KCNG2: variants seen among roughly 807,000 people sequenced by gnomAD.
KCNG2 encodes voltage-gated potassium channel regulatory subunit KCNG2.
KCNG2 carries 7 observed loss-of-function variants against 12.3 expected under a neutral mutation model. That is an observed-to-expected ratio of 0.57 (90% CI 0.32 to 1.07). KCNG2 has a LOEUF of 1.07. KCNG2 is among the 50% of genes least tolerant of loss of function. KCNG2 has a pLI of 0.04. For synonymous variants in KCNG2, 414 were observed against 351.4 expected, an observed-to-expected ratio of 1.18 and a Z score of -1.99; for missense variants, 703 against 726.0, an observed-to-expected ratio of 0.97 and a Z score of 0.36.
chr18:79,827,462 C>T lies in KCNG2; in HGVS notation c.-114-28917C>T, dbSNP rs1978286970. ...TTTCGGCCCCACCAGTGGGGCAGGG[C>T]CTGGGGACTGGTAGTTTAGCACAGC... On this transcript the variant is annotated intron_variant, in intron 1 of 3. Transcript: ENST00000316249. Among the ~76,000 whole-genome samples the T allele has an allele frequency of 2.6e-5, 4 of 152,164 alleles. No homozygotes were observed. In the South Asian group the frequency reaches 8.3e-4, roughly 31 times the overall value.
intron 3 of KCNG2, among the ~76,000 whole-genome samples, chr18:79,888,200 C>A (rs1184516051): frequency 6.6e-6 from 1 of 152,232 alleles, no homozygotes; most frequent in Non-Finnish European, 1.5e-5. Flanking sequence ...CCGCCAGGCC[C>A]AGATTCAGTC....
chr18:79,879,541 G>A (rs1160445591), intron 3 of KCNG2, among the ~76,000 whole-genome samples: 1 of 152,174 alleles, frequency 6.6e-6, no homozygotes, highest in Non-Finnish European at 1.5e-5. Context: ...TTAAAAATGG[G>A]ATTACCCTAC....
At chr18:79,896,303 C>G (rs908107482) in intron 3 of KCNG2, among the ~76,000 whole-genome samples, 7 of 149,732 alleles carry the variant, frequency 4.7e-5, no homozygotes, top group African/African-American at 1.7e-4. Context: ...TTTTTTAGTT[C>G]TTTCTTTTAG....
chr18:79,805,163 A>G (rs527861047), intron 1 of KCNG2, among the ~76,000 whole-genome samples: 1 of 152,196 alleles, frequency 6.6e-6, no homozygotes, highest in Non-Finnish European at 1.5e-5. Flanking sequence ...AACTTTGCAT[A>G]TCGTCAAAAG....
intron 1 of KCNG2, among the ~76,000 whole-genome samples, chr18:79,830,606 C>T (rs113761119): frequency 9.9e-5 from 15 of 152,256 alleles, no homozygotes; most frequent in African/African-American, 4.8e-5. Context: ...CAGAGGCCAG[C>T]GAGAGAGATG....
chr18:79,819,620 A>G (rs2087556259), intron 1 of KCNG2, among the ~76,000 whole-genome samples: 1 of 152,108 alleles, frequency 6.6e-6, no homozygotes. Flanking sequence ...TCAGCCAAGG[A>G]CCCGGCCAGG....
intron 1 of KCNG2, among the ~76,000 whole-genome samples, chr18:79,798,942 G>T (rs1328877627): frequency 2.0e-5 from 3 of 152,176 alleles, no homozygotes; most frequent in Non-Finnish European, 4.4e-5. Context: ...CGCGCGCCTG[G>T]CTCCCGGGGT....
chr18:79,880,555 C>T (rs1362143294), intron 3 of KCNG2, among the ~76,000 whole-genome samples: 1 of 152,146 alleles, frequency 6.6e-6, no homozygotes, highest in Non-Finnish European at 1.5e-5. Context: ...TCTACATGGT[C>T]TCTTCCAGAA....
At chr18:79,850,847 A>T (rs562354890) in intron 1 of KCNG2, among the ~76,000 whole-genome samples, 11 of 152,356 alleles carry the variant, frequency 7.2e-5, no homozygotes, top group Admixed American at 7.2e-4. Flanking sequence ...ACTCAAACGC[A>T]CGTTGCTTTT....
chr18:79,830,923 G>A (rs543058551), intron 1 of KCNG2, among the ~76,000 whole-genome samples: 1 of 85,004 alleles, frequency 1.2e-5, no homozygotes. Flanking sequence ...CAGAGCCTTC[G>A]TCAGGAGGGT....
chr18:79,806,950 G>C (rs1340234684), intron 1 of KCNG2, among the ~76,000 whole-genome samples: 1 of 152,172 alleles, frequency 6.6e-6, no homozygotes, highest in African/African-American at 2.4e-5. Context: ...TGGATCTAGG[G>C]TCTGTGTGGG....
rs181026072 is a variant in KCNG2 at position 79,897,153 on chromosome 18, T to C, written c.625-1887T>C. Among the ~76,000 whole-genome samples, 167 of 152,230 alleles carry C rather than the reference T, an allele frequency of 1.1e-3. 1 individual carries two copies. The highest frequency in any genetic ancestry group is 3.8e-3 in the African/African-American group (159 of 41,556). ...TTGTTTTTTTTTTCAGCATTATCTC[T>C]CTGCATAGTTTTTCTTTTCCCTTCT... is the stretch of plus-strand genomic sequence containing the variant. On this transcript the variant is annotated intron_variant, in intron 3 of 3. Coordinates refer to ENST00000316249, the MANE Select transcript of KCNG2 (RefSeq NM_012283.2).
At chr18:79,860,317 T>C (rs965057563) in intron 2 of KCNG2, among the ~76,000 whole-genome samples, 3 of 152,220 alleles carry the variant, frequency 2.0e-5, no homozygotes, top group Admixed American at 1.3e-4. Flanking sequence ...TCAAAAAAGT[T>C]ACTGGGATTT....
Position 79,803,935 on chromosome 18 carries a change from C to T in KCNG2, c.-115+5921C>T, listed in dbSNP as rs1480982231. Among the ~76,000 whole-genome samples the T allele has an allele frequency of 1.3e-5, 2 of 152,248 alleles. No individual in the cohort carries two copies. Among genetic ancestry groups the T allele is most frequent in the Non-Finnish European group, 1.5e-5 (1 of 68,042 alleles). ...TTAGGCCTGGCCTGGCCGTGTCACTCCTATCTCACCTTCAGGGAGCTCTAG... is the reference window on the plus strand; with the variant it reads ...TTAGGCCTGGCCTGGCCGTGTCACTTCTATCTCACCTTCAGGGAGCTCTAG... On this transcript the variant is annotated intron_variant, in intron 1 of 3. Transcript: ENST00000316249. The surrounding 1 kb of genome is among the most constrained non-coding windows in gnomAD (Gnocchi z 4.5).
chr18:79,831,621 G>GAGGACAGAGCCTT (rs1568249702), intron 1 of KCNG2, among the ~76,000 whole-genome samples: 1 of 115,426 alleles, frequency 8.7e-6, no homozygotes, highest in East Asian at 2.7e-4. Context: ...AGCGTGCCCT[G>GAGGACAGAGCCTT]CGTACAGAGC....
chr18:79,863,635 G>A lies in KCNG2; in HGVS notation c.-33G>A, dbSNP rs1357784199. The A allele has an allele frequency of 8.3e-7, 1 of 1,209,076 alleles. No homozygotes were observed. The allele number at this position is 1,209,076 out of a possible 1,614,324, so 74.9% of individuals were successfully genotyped here. A position where few individuals can be genotyped will look rare whatever the true frequency, so the allele number is the denominator to read the frequency against. On this transcript the variant is annotated 5_prime_UTR_variant, in exon 3 of 4. Coordinates refer to ENST00000316249, the MANE Select transcript of KCNG2 (RefSeq NM_012283.2). ...GGTCCGTTCCTTTTGCAGGAGCCGG[G>A]CAGGAGCCCCTCGGTCCGGTCCGGC...
At chr18:79,847,745 T>C (rs1278349364) in intron 1 of KCNG2, among the ~76,000 whole-genome samples, 1 of 152,212 alleles carries the variant, frequency 6.6e-6, no homozygotes, top group Non-Finnish European at 1.5e-5. Context: ...TCATGTTGCA[T>C]GTAGAACCGC....
At chr18:79,825,029 T>C (rs1174790912) in intron 1 of KCNG2, among the ~76,000 whole-genome samples, 1 of 152,228 alleles carries the variant, frequency 6.6e-6, no homozygotes, top group Non-Finnish European at 1.5e-5. Context: ...TTGTAGAGCA[T>C]GGAGACTATC....
At position 79,899,393 on chromosome 18, in the gene KCNG2, G is replaced by GCTGTTC. The variant is rs1981114108; in HGVS notation, c.981_986dup (p.Phe328_Leu329dup). 6.3e-7 allele frequency: 1 copy of GCTGTTC among 1,576,154 alleles called. No homozygotes were observed. The highest frequency in any genetic ancestry group is 1.4e-5 in the African/African-American group (1 of 73,028). On this transcript the variant is annotated inframe_insertion, in exon 4 of 4. Coordinates refer to ENST00000316249, the MANE Select transcript of KCNG2 (RefSeq NM_012283.2). ...GCGCGCGCGAGTTCGGGCTGCTGCT[G>GCTGTTC]CTGTTCCTCTGCGTGGCCATGGCGC...
Sources: gnomAD v4.1 joint callset for allele counts (sites outside exome capture counted in the v4.1 genomes callset) on GRCh38, gnomAD v4.1.1 for gene constraint, Gnocchi (gnomAD v3.1) non-coding constraint, MANE v1.5 for transcripts, NCBI Gene and HGNC (gene_info 2026-07-23, HGNC 2026-07-21) for gene names.